Variants in ZC3H12B observed in about 807,000 individuals in gnomAD.
The protein encoded by ZC3H12B is zinc finger CCCH-type containing 12B, also known as probable ribonuclease ZC3H12B.
In ZC3H12B, 7 loss-of-function variants were observed where a neutral mutation model predicts 43.9. The observed-to-expected ratio is 0.16, with a 90% CI of 0.09 to 0.30. ZC3H12B has a LOEUF of 0.30. Among genes scored for constraint, ZC3H12B ranks in the 10% least tolerant of loss-of-function variants. The pLI, the probability that ZC3H12B is intolerant of heterozygous loss-of-function variation, is 1.00. For missense variants in ZC3H12B, 475 were observed against 670.2 expected (o/e 0.71, Z 3.22); for synonymous variants, 222 against 241.7 (o/e 0.92, Z 0.76).
chrX:65,190,097 C>T, the ZC3H12B span, among the ~76,000 whole-genome samples: 2 of 111,175 alleles, frequency 1.8e-5, no homozygotes, highest in Non-Finnish European at 3.8e-5. Context: ...TGTCAAAGAT[C>T]AGATAGTTGT....
the ZC3H12B span, among the ~76,000 whole-genome samples, chrX:65,196,982 C>T: frequency 4.5e-5 from 5 of 111,864 alleles, no homozygotes; most frequent in Non-Finnish European, 7.5e-5. Flanking sequence ...TAAGAAAAGG[C>T]ATTAGAAGCC....
At chrX:65,211,934 A>T in the ZC3H12B span, among the ~76,000 whole-genome samples, 1 of 73,319 alleles carries the variant, frequency 1.4e-5, no homozygotes, top group Non-Finnish European at 2.3e-5. Context: ...TATATAATAT[A>T]TGTTATGTAT....
At chrX:65,382,029 A>G (rs1173119957) in intron 2 of ZC3H12B, among the ~76,000 whole-genome samples, 1 of 112,092 alleles carries the variant, frequency 8.9e-6, no homozygotes, top group Non-Finnish European at 1.9e-5. Context: ...AGGTACAAGG[A>G]GGAACTGGTA....
chrX:65,449,566 C>A (rs1402033974), intron 3 of ZC3H12B, among the ~76,000 whole-genome samples: 1 of 110,375 alleles, frequency 9.1e-6, no homozygotes, highest in Non-Finnish European at 1.9e-5. Flanking sequence ...TTGCAGTGAA[C>A]CAAGATCACA....
intron 3 of ZC3H12B, among the ~76,000 whole-genome samples, chrX:65,480,970 T>C (rs1421823173): frequency 9.0e-6 from 1 of 111,511 alleles, no homozygotes; most frequent in Admixed American, 9.5e-5. Context: ...CAAACATGAA[T>C]GTGGACAGTT....
At chrX:65,227,917 G>A in the ZC3H12B span, among the ~76,000 whole-genome samples, 3 of 111,654 alleles carry the variant, frequency 2.7e-5, no homozygotes, top group African/African-American at 9.8e-5. Context: ...AAAGAGACCA[G>A]GACCAGATGG....
intron 3 of ZC3H12B, among the ~76,000 whole-genome samples, chrX:65,466,264 C>T (rs987185475): frequency 1.8e-5 from 2 of 110,585 alleles, no homozygotes; most frequent in South Asian, 7.6e-4. Flanking sequence ...ATATATTTTT[C>T]TACATCTTGC....
chrX:65,125,694 G>T, the ZC3H12B span, among the ~76,000 whole-genome samples: 1 of 110,748 alleles, frequency 9.0e-6, no homozygotes, highest in Non-Finnish European at 1.9e-5. Flanking sequence ...TTTTTCTGTT[G>T]GATGAGGCCT....
the ZC3H12B span, among the ~76,000 whole-genome samples, chrX:65,228,866 G>C: frequency 9.0e-6 from 1 of 111,445 alleles, no homozygotes; most frequent in Non-Finnish European, 1.9e-5. Context: ...ACAAACCACT[G>C]CTCAAGGAAA....
At chrX:65,418,900 G>T (rs1349756528) in intron 3 of ZC3H12B, among the ~76,000 whole-genome samples, 1 of 111,729 alleles carries the variant, frequency 9.0e-6, no homozygotes, top group African/African-American at 3.3e-5. Context: ...TCCCCAAAGG[G>T]ACCTATGGCC....
At chrX:65,343,306 CTCTTT>C in the ZC3H12B span, among the ~76,000 whole-genome samples, 2 of 112,044 alleles carry the variant, frequency 1.8e-5, no homozygotes, top group Non-Finnish European at 3.8e-5. Context: ...GGAGGAGGGA[CTCTTT>C]CCTAACTCAT....
the ZC3H12B span, among the ~76,000 whole-genome samples, chrX:65,154,974 T>TC: frequency 9.0e-6 from 1 of 110,608 alleles, no homozygotes; most frequent in African/African-American, 3.3e-5. Flanking sequence ...AAGGTTTTTT[T>TC]TTTTTTTGAC....
chrX:65,499,828 G>C, intron 3 of ZC3H12B, 55 bp from the exon 9 acceptor site: 4 of 1,002,306 alleles, frequency 4.0e-6, no homozygotes, highest in South Asian at 4.0e-5. Flanking sequence ...TGAACTCCTA[G>C]TAAGGAGTAG....
chrX:65,080,707 C>A, the ZC3H12B span, among the ~76,000 whole-genome samples: 6 of 111,582 alleles, frequency 5.4e-5, 1 homozygote, highest in Admixed American at 5.7e-4. Context: ...AATAACAGAC[C>A]TATCCTACAA....
chrX:65,450,320 T>C (rs1452296094), intron 3 of ZC3H12B, among the ~76,000 whole-genome samples: 1 of 85,923 alleles, frequency 1.2e-5, no homozygotes, highest in African/African-American at 4.4e-5. Flanking sequence ...AAAATATATA[T>C]ATATATACAT....
the ZC3H12B span, among the ~76,000 whole-genome samples, chrX:65,225,196 G>C: frequency 8.9e-6 from 1 of 112,025 alleles, no homozygotes; most frequent in Non-Finnish European, 1.9e-5. Flanking sequence ...GGAATGATCA[G>C]ACAGCAGCAT....
At chrX:65,077,042 A>G in the ZC3H12B span, among the ~76,000 whole-genome samples, 1 of 111,861 alleles carries the variant, frequency 8.9e-6, no homozygotes, top group Non-Finnish European at 1.9e-5. Flanking sequence ...TCTTGAATCT[A>G]TTTTAGCAAG....
the ZC3H12B span, among the ~76,000 whole-genome samples, chrX:65,207,273 CAT>C: frequency 2.8e-5 from 3 of 107,949 alleles, no homozygotes; most frequent in Admixed American, 1.0e-4. Flanking sequence ...CACACACACA[CAT>C]ACACACACCG....
At chrX:65,361,639 C>T (rs750742934), upstream of ZC3H12B, among the ~76,000 whole-genome samples, 1 of 110,886 alleles carries the variant, frequency 9.0e-6, no homozygotes, top group African/African-American at 3.3e-5. Flanking sequence ...CAGCCCAGCT[C>T]ATGTCCCATT....
Sources: gnomAD v4.1 joint callset for allele counts (sites outside exome capture counted in the v4.1 genomes callset) on GRCh38, gnomAD v4.1.1 for gene constraint, MANE v1.5 for transcripts, NCBI Gene and HGNC (gene_info 2026-07-23, HGNC 2026-07-21) for gene names.